SLC8B1: variants seen among roughly 807,000 people sequenced by gnomAD.
The protein encoded by SLC8B1 is solute carrier family 8 member B1, also known as mitochondrial sodium/calcium exchanger protein.
SLC8B1 carries 52 observed loss-of-function variants against 63.4 expected under a neutral mutation model. The observed-to-expected ratio is 0.82, with a 90% confidence interval of 0.66 to 1.03. The LOEUF (loss-of-function observed/expected upper bound fraction) is 1.03, where lower values mean the gene tolerates loss of function less well. Among genes scored for constraint, SLC8B1 ranks in the 50% least tolerant of loss-of-function variants. SLC8B1 has a pLI of 0.00. For missense variants in SLC8B1, 657 were observed against 741.7 expected (o/e 0.89, Z 1.33); for synonymous variants, 336 against 323.9 (o/e 1.04, Z -0.40).
At chr12:113,318,359 T>C (rs1484743206) in intron 8 of SLC8B1, among the ~76,000 whole-genome samples, 1 of 151,706 alleles carries the variant, frequency 6.6e-6, no homozygotes, top group African/African-American at 2.4e-5. Flanking sequence ...CATGTACTCC[T>C]ATGTGTGTTG....
At chr12:113,304,454 C>T in intron 14 of SLC8B1, 69 bp from the exon 15 acceptor site, 4 of 1,422,534 alleles carry the variant, frequency 2.8e-6, no homozygotes, top group Non-Finnish European at 3.9e-6. Context: ...CCCGTTCCTC[C>T]TACTGTGTTC....
chr12:113,330,750 A>T (rs892788285), intron 2 of SLC8B1, among the ~76,000 whole-genome samples: 2 of 152,202 alleles, frequency 1.3e-5, no homozygotes, highest in Non-Finnish European at 1.5e-5. Flanking sequence ...ACTTGAAGGC[A>T]CTTTGCAGCC....
intron 2 of SLC8B1, among the ~76,000 whole-genome samples, chr12:113,323,484 G>C (rs1193143321): frequency 6.6e-6 from 1 of 152,162 alleles, no homozygotes; most frequent in Non-Finnish European, 1.5e-5. Context: ...CGAGGTAGGC[G>C]GATCACTTGA....
At chr12:113,332,660 A>C in intron 2 of SLC8B1, 63 bp downstream of exon 2, 2 of 1,530,940 alleles carry the variant, frequency 1.3e-6, no homozygotes, top group African/African-American at 1.4e-5. Flanking sequence ...GATGCTCAAT[A>C]GATATTTATC....
Position 113,320,767 on chromosome 12 carries a change from C to G in SLC8B1, c.421-81G>C. The G allele has an allele frequency of 6.3e-7, 1 of 1,576,658 alleles. No individual in the cohort carries two copies. The highest frequency in any genetic ancestry group is 8.6e-7 in the Non-Finnish European group (1 of 1,160,170). On this transcript the variant is annotated intron_variant, in intron 5 of 15. Coordinates refer to ENST00000680972, the MANE Select transcript of SLC8B1 (RefSeq NM_001358345.2). The surrounding 1 kb of genome is among the most constrained non-coding windows in gnomAD (Gnocchi z 5.3). ...TCGACCCTATCCCCCAGCTTCCCCA[C>G]ACGGGGATAGACATGACCCTATCTC...
chr12:113,311,306 CG>C (rs1956757417), intron 11 of SLC8B1, among the ~76,000 whole-genome samples: 1 of 152,096 alleles, frequency 6.6e-6, no homozygotes, highest in Non-Finnish European at 1.5e-5. Context: ...AAAAATTAGC[CG>C]GGGGTGGTGG....
At chr12:113,330,110 A>G (rs1957039357) in intron 2 of SLC8B1, among the ~76,000 whole-genome samples, 2 of 152,096 alleles carry the variant, frequency 1.3e-5, no homozygotes, top group African/African-American at 4.8e-5. Flanking sequence ...CACCCTGTGG[A>G]ATGATTTGTC....
At chr12:113,309,727 G>A (rs1201463998) in intron 12 of SLC8B1, among the ~76,000 whole-genome samples, 1 of 152,172 alleles carries the variant, frequency 6.6e-6, no homozygotes, top group African/African-American at 2.4e-5. Flanking sequence ...CTGCACTCTA[G>A]CCTGGACAGC....
intron 8 of SLC8B1, among the ~76,000 whole-genome samples, chr12:113,318,515 ATG>A (rs1415955460): frequency 6.6e-6 from 1 of 150,972 alleles, no homozygotes. Flanking sequence ...ATGTATGTGT[ATG>A]TGTGCATGTA....
intron 10 of SLC8B1, among the ~76,000 whole-genome samples, chr12:113,316,212 C>T (rs867713007): frequency 5.3e-5 from 8 of 150,042 alleles, no homozygotes; most frequent in Admixed American, 4.0e-4. Context: ...GGCAATAGAG[C>T]GAAACTCTGT....
Position 113,320,656 on chromosome 12 carries a change from C to T in SLC8B1, c.451G>A (p.Ala151Thr), listed in dbSNP as rs750958586. 6.2e-7 allele frequency: 1 copy of T among 1,613,970 alleles called. No individual in the cohort carries two copies. The highest frequency in any genetic ancestry group is 8.5e-7 in the Non-Finnish European group (1 of 1,179,970). Residue 151 changes from alanine (A) to threonine (T), a missense_variant, in exon 6 of 16, where the codon GCA becomes ACA. Transcript: ENST00000680972. The surrounding 1 kb of genome is among the most constrained non-coding windows in gnomAD (Gnocchi z 5.3). ...ACCAGGGCACTGAAGATGTCAGGTG[C>T]ACCATTCCCAAATGCCAGGAAGGTG... is the stretch of plus-strand genomic sequence containing the variant. ...GVTFLAFGNG[A>T]PDIFSALVAF...
At chr12:113,306,443 AC>A in intron 14 of SLC8B1, 51 bp downstream of exon 14, 1 of 1,483,706 alleles carries the variant, frequency 6.7e-7, no homozygotes, top group Non-Finnish European at 9.2e-7. Flanking sequence ...AGCACACCCC[AC>A]CCACGGCTGT....
Position 113,320,500 on chromosome 12 carries a change from T to TG in SLC8B1, c.527-3dup, listed in dbSNP as rs771550605. 86 of 1,613,904 alleles carry TG rather than the reference T, an allele frequency of 5.3e-5. No homozygotes were observed. Among genetic ancestry groups the TG allele is most frequent in the Middle Eastern group, 4.9e-4 (3 of 6,084 alleles). Reference sequence around the variant, plus strand: ...CTGTGGTAACCAGCACGCCAGCGCCTGGGGGGAGGAGGCCAGAGCTCAGCC... The same window carrying TG: ...CTGTGGTAACCAGCACGCCAGCGCCTGGGGGGGAGGAGGCCAGAGCTCAGCC... On this transcript the variant is annotated splice_polypyrimidine_tract_variant and splice_region_variant and intron_variant, in intron 6 of 15. Transcript: ENST00000680972. This position sits in a 1 kb window ranked among gnomAD's most constrained non-coding sequence, Gnocchi z 5.3.
chr12:113,317,801 TTG>T lies in SLC8B1; in HGVS notation c.803-802_803-801del, dbSNP rs36133350. ...ATGTGTGTTGTGTATGTGAGTGTAT[TTG>T]TGTGTGTGCATGTATTTGTGTGTAT... is the stretch of plus-strand genomic sequence containing the variant. On this transcript the variant is annotated intron_variant, in intron 8 of 15. Transcript: ENST00000680972. Among the ~76,000 whole-genome samples, 46 of 150,912 alleles carry T rather than the reference TTG, an allele frequency of 3.0e-4. 1 individual carries two copies. In the East Asian group the frequency reaches 4.6e-3, roughly 15 times the overall value.
At chr12:113,310,480 G>T in intron 11 of SLC8B1, 125 bp from the exon 12 acceptor site, 2 of 1,279,130 alleles carry the variant, frequency 1.6e-6, no homozygotes, top group South Asian at 2.1e-5. Context: ...CTTCATGGGG[G>T]CAGAAAAATT....
At chr12:113,309,892 G>A (rs1956732422) in intron 12 of SLC8B1, among the ~76,000 whole-genome samples, 1 of 152,120 alleles carries the variant, frequency 6.6e-6, no homozygotes, top group Non-Finnish European at 1.5e-5. Context: ...TGACTTATGG[G>A]CATGAGGTCT....
chr12:113,325,780 A>G (rs759359313), intron 2 of SLC8B1, among the ~76,000 whole-genome samples: 24 of 150,604 alleles, frequency 1.6e-4, no homozygotes, highest in Non-Finnish European at 2.7e-4. Context: ...AGCCAGGATG[A>G]TCTCGATCTC....
intron 11 of SLC8B1, among the ~76,000 whole-genome samples, chr12:113,313,051 A>G (rs61932124): frequency 0.088 from 13,416 of 151,840 alleles, 665 homozygotes; most frequent in East Asian, 0.19. Context: ...GATTACAGAC[A>G]CCCATCACCA....
chr12:113,313,507 G>A (rs1230500846), intron 11 of SLC8B1, among the ~76,000 whole-genome samples: 2 of 152,102 alleles, frequency 1.3e-5, no homozygotes, highest in Admixed American at 6.6e-5. Context: ...TGGGGGAGCC[G>A]AGGTGGGTGG....
Sources: allele counts gnomAD v4.1 joint callset (sites outside exome capture counted in the v4.1 genomes callset), GRCh38; gene constraint gnomAD v4.1.1; non-coding constraint Gnocchi (gnomAD v3.1); transcripts MANE v1.5; gene names NCBI Gene and HGNC (gene_info 2026-07-23, HGNC 2026-07-21).